The following IGSF5 variants were observed in gnomAD, a reference collection of about 807,000 sequenced individuals.
The protein encoded by IGSF5 is immunoglobulin superfamily 5 like.
Under a neutral mutation model 39.4 loss-of-function variants are expected in IGSF5, and 41 were observed. The observed-to-expected ratio is 1.04, with a 90% CI of 0.81 to 1.35. The LOEUF is 1.35. IGSF5 is among the 40% of genes most tolerant of loss of function. The pLI is 0.00. For missense variants in IGSF5, 487 were observed against 494.6 expected, an observed-to-expected ratio of 0.98 and a Z score of 0.15; for synonymous variants, 183 against 175.3, an observed-to-expected ratio of 1.04 and a Z score of -0.34.
In IGSF5 at chr21:39,796,402, G is replaced by A. The variant is rs117336365; in HGVS notation, c.1128+2789G>A. Among the ~76,000 whole-genome samples the A allele has an allele frequency of 8.7e-3, 1,328 of 152,318 alleles. 6 individuals carry two copies. Among genetic ancestry groups the A allele is most frequent in the Non-Finnish European group, 0.015 (1,017 of 68,028 alleles). On this transcript the variant is annotated intron_variant, in intron 8 of 8. Transcript: ENST00000380588. ...GGGGTGATGAGGACCTCTGAATTCC[G>A]AATGCCTTGGTCCAAGGTGTGAAAA...
intron 8 of IGSF5, among the ~76,000 whole-genome samples, chr21:39,800,237 C>T (rs1443021417): frequency 2.6e-5 from 4 of 152,178 alleles, no homozygotes; most frequent in Non-Finnish European, 2.9e-5. Flanking sequence ...TGTGCCTTAA[C>T]TCACTGTCAG....
Position 39,770,905 on chromosome 21 carries a change from T to C in IGSF5, c.419-11T>C. ...CATGTCTTCAATGTGTTTCTCTCTT[T>C]TCTTCTTTAGTTATGGGAGAGCTGT... On this transcript the variant is annotated splice_polypyrimidine_tract_variant and intron_variant, in intron 3 of 8. Coordinates refer to ENST00000380588, the MANE Select transcript of IGSF5 (RefSeq NM_001080444.2). 1 of 1,475,966 alleles carries C rather than the reference T, an allele frequency of 6.8e-7. No individual in the cohort carries two copies. Among genetic ancestry groups the C allele is most frequent in the Non-Finnish European group, 9.0e-7 (1 of 1,110,596 alleles). The allele number at this position is 1,475,966 out of a possible 1,614,324, so 91.4% of individuals were successfully genotyped here.
At chr21:39,714,356 A>G in the IGSF5 span, among the ~76,000 whole-genome samples, 1 of 152,238 alleles carries the variant, frequency 6.6e-6, no homozygotes, top group Admixed American at 6.5e-5. Context: ...TTGGGATACA[A>G]TATTGTTTTT....
intron 5 of IGSF5, among the ~76,000 whole-genome samples, chr21:39,784,231 TAAAGGAA>T (rs1485079801): frequency 6.6e-6 from 1 of 152,226 alleles, no homozygotes; most frequent in Non-Finnish European, 1.5e-5. Context: ...CACTGGATTT[TAAAGGAA>T]AACCACTAAA....
chr21:39,801,690 A>G lies in IGSF5; in HGVS notation c.*333A>G, dbSNP rs1569262461. 5.3e-6 allele frequency: 1 copy of G among 190,350 alleles called. No individual in the cohort carries two copies. Among genetic ancestry groups the G allele is most frequent in the Non-Finnish European group, 1.1e-5 (1 of 92,108 alleles). 11.8% of individuals were successfully genotyped at this position (190,350 alleles called of 1,614,324 possible). The stretch of plus-strand genomic sequence containing the variant: ...GGTAGATAAAAGTCTGTATTCTACC[A>G]TGCCTTTCAAAAGTTTTTATTATCT... On this transcript the variant is annotated 3_prime_UTR_variant, in exon 9 of 9. Transcript: ENST00000380588.
chr21:39,721,370 G>T, the IGSF5 span, among the ~76,000 whole-genome samples: 1 of 152,120 alleles, frequency 6.6e-6, no homozygotes, highest in Non-Finnish European at 1.5e-5. Flanking sequence ...GAAAGCAATC[G>T]TTCCACCCAG....
In IGSF5 at chr21:39,801,352, G is replaced by A; in HGVS notation, c.1219G>A (p.Val407Ile). 1 of 1,610,476 alleles carries A rather than the reference G, an allele frequency of 6.2e-7. No individual in the cohort carries two copies. Among genetic ancestry groups the A allele is most frequent in the Non-Finnish European group, 8.5e-7 (1 of 1,176,758 alleles). Reference protein sequence around the residue: ...SPEKVSNTTVV With the variant: ...SPEKVSNTTVI Reference sequence around the variant, plus strand: ...TGAGAAGGTCAGTAATACAACTGTAGTATAGCAAAGCCTTCCCCAAGCTCC... The same window carrying A: ...TGAGAAGGTCAGTAATACAACTGTAATATAGCAAAGCCTTCCCCAAGCTCC... The change falls in exon 9 of 9, where the codon GTA (valine) becomes ATA (isoleucine). Residue 407 changes from valine to isoleucine, a missense_variant. Val to Ile is a conservative substitution (Grantham distance 29). Transcript: ENST00000380588.
rs745961387 is a variant in IGSF5 at position 39,765,698 on chromosome 21, C to T, written c.264C>T (p.Ile88=). ...GCGTCAGGCCCATGGAGCCCATCAT[C>T]ACCAATGACCGCTTCACCTCTCAGA... ...VLSVRPMEPI[I]TNDRFTSQRY... is the part of the protein sequence containing the mutation. The change falls in exon 3 of 9, where the codon ATC becomes ATT. Residue 88 remains isoleucine, a synonymous_variant. Coordinates refer to ENST00000380588, the MANE Select transcript of IGSF5 (RefSeq NM_001080444.2). 2 of 1,614,010 alleles carry T rather than the reference C, an allele frequency of 1.2e-6. No homozygotes were observed. The highest frequency in any genetic ancestry group is 2.7e-5 in the African/African-American group (2 of 74,910).
chr21:39,724,988 A>G, the IGSF5 span, among the ~76,000 whole-genome samples: 33 of 152,354 alleles, frequency 2.2e-4, no homozygotes, highest in Non-Finnish European at 3.2e-4. Context: ...AAGTATTTAC[A>G]CCCTAGAGAG....
the IGSF5 span, among the ~76,000 whole-genome samples, chr21:39,716,701 A>C: frequency 5.9e-5 from 9 of 152,182 alleles, no homozygotes; most frequent in Non-Finnish European, 1.0e-4. Flanking sequence ...TGGTTGCATA[A>C]TATTCTATGG....
intron 5 of IGSF5, 74 bp downstream of exon 5, chr21:39,779,379 A>G: frequency 1.3e-6 from 2 of 1,540,960 alleles, no homozygotes; most frequent in Non-Finnish European, 1.8e-6. Flanking sequence ...TAATGAACTC[A>G]TCAGCTCTTT....
upstream of IGSF5, among the ~76,000 whole-genome samples, chr21:39,743,961 G>A (rs141853447): frequency 2.6e-5 from 4 of 151,994 alleles, no homozygotes; most frequent in Admixed American, 2.6e-4. Context: ...TTTTGCCTTG[G>A]GGGGAACGTT....
At chr21:39,799,798 A>G (rs148829678) in intron 8 of IGSF5, among the ~76,000 whole-genome samples, 55 of 152,296 alleles carry the variant, frequency 3.6e-4, no homozygotes, top group African/African-American at 1.3e-3. Flanking sequence ...GATGGGTCCT[A>G]AAGCACATTG....
At chr21:39,776,865 A>G (rs1267615354) in intron 4 of IGSF5, among the ~76,000 whole-genome samples, 3 of 152,180 alleles carry the variant, frequency 2.0e-5, no homozygotes, top group Non-Finnish European at 2.9e-5. Context: ...TCATTGGTTA[A>G]CCCCAGCCAG....
Position 39,765,770 on chromosome 21 carries a change from T to A in IGSF5, c.336T>A (p.Asn112Lys), listed in dbSNP as rs758594066. ...GNFTSEMIIH[N>K]VEPSDSGNIR... ...TCACCTCGGAGATGATCATCCACAA[T>A]GTGGAGCCCAGTGATTCGGGGAACA... The change falls in exon 3 of 9, where the codon AAT becomes AAA. Residue 112 changes from asparagine (N) to lysine (K), a missense_variant. Physicochemically the swap from Asn to Lys is moderately conservative, Grantham distance 94. Coordinates refer to ENST00000380588, the MANE Select transcript of IGSF5 (RefSeq NM_001080444.2). The A allele has an allele frequency of 6.2e-7, 1 of 1,614,040 alleles. No individual in the cohort carries two copies. Among genetic ancestry groups the A allele is most frequent in the South Asian group, 1.1e-5 (1 of 91,066 alleles).
At chr21:39,750,526 A>AG (rs1555940571) in intron 2 of IGSF5, among the ~76,000 whole-genome samples, 2 of 150,760 alleles carry the variant, frequency 1.3e-5, no homozygotes, top group African/African-American at 2.4e-5. Context: ...AAAAAAAAAA[A>AG]GCAGTTCAGT....
intron 2 of IGSF5, among the ~76,000 whole-genome samples, chr21:39,762,950 C>T (rs1046674810): frequency 3.9e-5 from 6 of 152,090 alleles, no homozygotes; most frequent in Admixed American, 1.3e-4. Context: ...CTCTGCCCCC[C>T]ATCTGGCTGT....
Position 39,788,202 on chromosome 21 carries a change from C to A in IGSF5, c.956+14C>A. Reference sequence around the variant, plus strand: ...TCAATTTCAAAAGTAAGTTTGAAACCACATCTATTTTCTGAAAACAAAACA... The same window carrying A: ...TCAATTTCAAAAGTAAGTTTGAAACAACATCTATTTTCTGAAAACAAAACA... On this transcript the variant is annotated intron_variant, in intron 6 of 8. Coordinates refer to ENST00000380588, the MANE Select transcript of IGSF5 (RefSeq NM_001080444.2). 6.4e-7 allele frequency: 1 copy of A among 1,572,468 alleles called. No homozygotes were observed. The highest frequency in any genetic ancestry group is 8.7e-7 in the Non-Finnish European group (1 of 1,146,880).
At chr21:39,756,088 CTCAAACAA>C (rs1364244047) in intron 2 of IGSF5, among the ~76,000 whole-genome samples, 1 of 109,288 alleles carries the variant, frequency 9.2e-6, no homozygotes, top group Non-Finnish European at 1.7e-5. Context: ...GGGACTCGGT[CTCAAACAA>C]ACAAACAAAC....
Sources: gnomAD v4.1 joint callset for allele counts (sites outside exome capture counted in the v4.1 genomes callset) on GRCh38, gnomAD v4.1.1 for gene constraint, MANE v1.5 for transcripts, NCBI Gene and HGNC (gene_info 2026-07-23, HGNC 2026-07-21) for gene names.